Variants in PCDHGA6 observed in about 807,000 individuals in gnomAD.
PCDHGA6 encodes protocadherin gamma-A6.
PCDHGA6 carries 41 observed loss-of-function variants against 60.6 expected under a neutral mutation model. The observed-to-expected ratio is 0.68, with a 90% CI of 0.53 to 0.88. The LOEUF is 0.88. Ranked by LOEUF, PCDHGA6 falls within the 40% of genes least tolerant of loss-of-function variation. The pLI is 0.00. For missense variants in PCDHGA6, 1,312 were observed against 1,203.0 expected, an observed-to-expected ratio of 1.09 and a Z score of -1.34; for synonymous variants, 594 against 524.4, an observed-to-expected ratio of 1.13 and a Z score of -1.81.
At chr5:141,389,465 A>G (rs1485260449) in intron 1 of PCDHGA6, 2 of 1,613,184 alleles carry the variant, frequency 1.2e-6, no homozygotes, top group Admixed American at 1.7e-5. Context: ...GCGCCTTCGA[A>G]CTCACACTGC....
At chr5:141,441,127 G>A (rs1224106490) in intron 1 of PCDHGA6, 2 of 152,138 alleles carry the variant, frequency 1.3e-5, no homozygotes, top group African/African-American at 2.4e-5. Context: ...AGTTGAGACC[G>A]AATTTCTAGA....
In PCDHGA6 at chr5:141,491,778, C is replaced by T. The variant is rs568710854; in HGVS notation, c.2425-3029C>T. 3.1e-4 allele frequency: 482 copies of T among 1,547,678 alleles called. No homozygotes were observed. The highest frequency in any genetic ancestry group is 2.2e-3 in the Middle Eastern group (13 of 5,890). On this transcript the variant is annotated intron_variant, in intron 1 of 3. Transcript: ENST00000517434. This position sits in a 1 kb window ranked among gnomAD's most constrained non-coding sequence, Gnocchi z 6.9. Reference sequence around the variant, plus strand: ...CCGCCCGTCCTCATAAGGGATTGAACTTGCATCCACTCCTCTCCGGCCGGC... The same window carrying T: ...CCGCCCGTCCTCATAAGGGATTGAATTTGCATCCACTCCTCTCCGGCCGGC...
chr5:141,510,141 T>C (rs1596266322), intron 3 of PCDHGA6, among the ~76,000 whole-genome samples: 1 of 152,014 alleles, frequency 6.6e-6, no homozygotes. Flanking sequence ...GGGCTAGTGG[T>C]GTGCACCTGT....
At chr5:141,384,418 A>G (rs761365195) in intron 1 of PCDHGA6, 4 of 1,613,972 alleles carry the variant, frequency 2.5e-6, no homozygotes, top group Non-Finnish European at 3.4e-6. Context: ...CTATGTCTCC[A>G]TAAACTCTGA....
intron 2 of PCDHGA6, among the ~76,000 whole-genome samples, chr5:141,496,733 C>A (rs1221912777): frequency 6.6e-6 from 1 of 152,138 alleles, no homozygotes; most frequent in Non-Finnish European, 1.5e-5. Context: ...TGTATTCATT[C>A]GTTCATTTAT....
At chr5:141,399,597 C>A in intron 1 of PCDHGA6, 3 of 1,613,958 alleles carry the variant, frequency 1.9e-6, no homozygotes, top group Non-Finnish European at 2.5e-6. Context: ...TCATGGCCAG[C>A]GACCTAGAGC....
intron 1 of PCDHGA6, chr5:141,407,957 G>C (rs1166490050): frequency 1.5e-6 from 1 of 660,376 alleles, no homozygotes; most frequent in African/African-American, 1.8e-5. Flanking sequence ...GGCCAGTGCA[G>C]AGCAAGCGCT....
chr5:141,400,588 T>TC, intron 1 of PCDHGA6: 1 of 1,606,158 alleles, frequency 6.2e-7, no homozygotes, highest in South Asian at 1.1e-5. Flanking sequence ...TACATGAAAC[T>TC]ATCGTACATT....
intron 1 of PCDHGA6, chr5:141,419,367 C>T (rs1157934416): frequency 6.2e-7 from 1 of 1,613,652 alleles, no homozygotes; most frequent in Admixed American, 1.7e-5. Context: ...ACGCTGTCGT[C>T]CTACGTGTCC....
intron 1 of PCDHGA6, among the ~76,000 whole-genome samples, chr5:141,460,050 C>T (rs1477206197): frequency 6.6e-6 from 1 of 152,064 alleles, no homozygotes; most frequent in Non-Finnish European, 1.5e-5. Context: ...TGCACTCCAG[C>T]CTGGGCAACA....
chr5:141,425,013 G>T (rs1666336437), intron 1 of PCDHGA6, among the ~76,000 whole-genome samples: 1 of 152,108 alleles, frequency 6.6e-6, no homozygotes, highest in Non-Finnish European at 1.5e-5. Flanking sequence ...TCTCATTTAG[G>T]AATTTACCTT....
chr5:141,390,212 C>T (rs2150413972), intron 1 of PCDHGA6: 1 of 1,614,058 alleles, frequency 6.2e-7, no homozygotes, highest in African/African-American at 1.3e-5. Flanking sequence ...CAGGACAAGA[C>T]ATACTTTGCG....
Position 141,375,404 on chromosome 5 carries a change from A to T in PCDHGA6, c.1321A>T (p.Asn441Tyr). The T allele has an allele frequency of 1.2e-6, 2 of 1,613,912 alleles. No individual in the cohort carries two copies. The highest frequency in any genetic ancestry group is 1.1e-5 in the South Asian group (1 of 91,072). Residue 441 changes from asparagine (N) to tyrosine (Y), a missense_variant, in exon 1 of 4, where the codon AAT becomes TAT. Physicochemically the swap from Asn to Tyr is moderately radical, Grantham distance 143. Coordinates refer to ENST00000517434, the MANE Select transcript of PCDHGA6 (RefSeq NM_018919.3). ...GTCTACAGAAACAATCATCTCTCTA[A>T]ATGTGGCAGACACCAACGACAACCC... The part of the protein sequence containing the change: ...PLSTETIISL[N>Y]VADTNDNPPT...
At chr5:141,423,460 G>A in intron 1 of PCDHGA6, 1 of 1,614,046 alleles carries the variant, frequency 6.2e-7, no homozygotes, top group Non-Finnish European at 8.5e-7. Context: ...TGTAGGCGTG[G>A]ACGGGGTACA....
rs1778279940 is a variant in PCDHGA6, at chr5:141,382,546, G to A, written c.2424+6039G>A. Among the ~76,000 whole-genome samples the A allele has an allele frequency of 5.3e-5, 8 of 152,162 alleles. No homozygotes were observed. In the South Asian group the frequency reaches 1.4e-3, roughly 28 times the overall value. The stretch of plus-strand genomic sequence containing the variant: ...TCTTAAAATGGATTTTTAATTATCA[G>A]GGATATCTAGAGCAAAGAAATCTAA... On this transcript the variant is annotated intron_variant, in intron 1 of 3. Coordinates refer to ENST00000517434, the MANE Select transcript of PCDHGA6 (RefSeq NM_018919.3).
chr5:141,404,739 G>A, intron 1 of PCDHGA6: 1 of 1,614,092 alleles, frequency 6.2e-7, no homozygotes, highest in Non-Finnish European at 8.5e-7. Flanking sequence ...GCAGTGGACA[G>A]AGACTCAGGC....
At chr5:141,420,050 C>T in intron 1 of PCDHGA6, 1 of 1,614,076 alleles carries the variant, frequency 6.2e-7, no homozygotes, top group Non-Finnish European at 8.5e-7. Flanking sequence ...TGAGTCAGTT[C>T]TCTGCTCCAA....
chr5:141,421,871 C>CT, intron 1 of PCDHGA6: 1 of 1,613,756 alleles, frequency 6.2e-7, no homozygotes, highest in East Asian at 2.2e-5. Flanking sequence ...CTCCTCACAG[C>CT]TTTAGATGGA....
intron 1 of PCDHGA6, chr5:141,389,865 G>A: frequency 1.2e-6 from 2 of 1,614,080 alleles, no homozygotes; most frequent in Non-Finnish European, 1.7e-6. Flanking sequence ...GTTGCACCTG[G>A]TCTTCGCCGA....
Sources: gnomAD v4.1 joint callset for allele counts (sites outside exome capture counted in the v4.1 genomes callset) on GRCh38, gnomAD v4.1.1 for gene constraint, Gnocchi (gnomAD v3.1) non-coding constraint, MANE v1.5 for transcripts, NCBI Gene and HGNC (gene_info 2026-07-23, HGNC 2026-07-21) for gene names.